The following CACNB1 variants were observed in gnomAD, a reference collection of about 807,000 sequenced individuals.
CACNB1 encodes the protein calcium voltage-gated channel auxiliary subunit beta 1.
CACNB1 carries 29 observed loss-of-function variants against 71.6 expected under a neutral mutation model. The observed-to-expected ratio is 0.40, with a 90% CI of 0.30 to 0.55. CACNB1 has a LOEUF of 0.55. CACNB1 is among the 20% of genes least tolerant of loss of function. The pLI, the probability that CACNB1 is intolerant of heterozygous loss-of-function variation, is 0.38. For synonymous variants in CACNB1, 300 were observed against 319.6 expected (o/e 0.94, Z 0.65); for missense variants, 623 against 801.8 (o/e 0.78, Z 2.69).
intron 11 of CACNB1, among the ~76,000 whole-genome samples, chr17:39,181,042 T>G (rs2045744006): frequency 6.6e-6 from 1 of 152,192 alleles, no homozygotes; most frequent in Non-Finnish European, 1.5e-5. Flanking sequence ...GAAAATCTTC[T>G]TACAAAATGG....
chr17:39,183,775 C>T lies in CACNB1; in HGVS notation c.988G>A (p.Ala330Thr), dbSNP rs145326896. The change falls in exon 11 of 14, where the codon GCC (alanine) becomes ACC (threonine). Residue 330 changes from alanine (A) to threonine (T), a missense_variant. Transcript: ENST00000394303. Reference sequence around the variant, plus strand: ...GCCAGCGAGGTCTTGGACAGCTGGGCTGGGTGATTGATGGTGTCAGCATCC... The same window carrying T: ...GCCAGCGAGGTCTTGGACAGCTGGGTTGGGTGATTGATGGTGTCAGCATCC... ...ALDADTINHP[A>T]QLSKTSLAPI... The T allele has an allele frequency of 3.3e-5, 54 of 1,613,796 alleles. No individual in the cohort carries two copies. The African/African-American group carries it at 6.1e-4, about 18-fold the overall frequency.
intron 1 of CACNB1, 121 bp downstream of exon 1, chr17:39,197,291 G>A (rs1485051902): frequency 9.2e-6 from 4 of 433,354 alleles, no homozygotes; most frequent in African/African-American, 4.3e-5. Flanking sequence ...GGGGCGCGCA[G>A]GCATCCCTCT....
chr17:39,192,416 T>C (rs748592118), intron 2 of CACNB1: 4 of 152,454 alleles, frequency 2.6e-5, no homozygotes, highest in Non-Finnish European at 5.9e-5. Context: ...GTAGTGGGAA[T>C]GCACGTGCTT....
intron 3 of CACNB1, among the ~76,000 whole-genome samples, chr17:39,191,032 G>A (rs1004708598): frequency 2.0e-5 from 3 of 151,626 alleles, no homozygotes; most frequent in Non-Finnish European, 4.4e-5. Context: ...GTGAAACCCC[G>A]TCTCTACTAA....
chr17:39,180,696 G>A (rs1435473993), intron 11 of CACNB1, among the ~76,000 whole-genome samples: 2 of 151,684 alleles, frequency 1.3e-5, no homozygotes, highest in African/African-American at 4.8e-5. Flanking sequence ...AAAAGTAAAT[G>A]TTTCAAAATT....
intron 11 of CACNB1, among the ~76,000 whole-genome samples, chr17:39,181,196 C>T (rs560316821): frequency 2.0e-4 from 30 of 152,088 alleles, no homozygotes; most frequent in Admixed American, 2.0e-3. Flanking sequence ...TGGGTTCAAG[C>T]AATTCTTGTG....
At chr17:39,182,501 C>T (rs1225325470) in intron 11 of CACNB1, among the ~76,000 whole-genome samples, 2 of 151,690 alleles carry the variant, frequency 1.3e-5, no homozygotes, top group Non-Finnish European at 2.9e-5. Context: ...GAGATCGAGA[C>T]CATCCTGGCC....
Position 39,187,621 on chromosome 17 carries a change from G to A in CACNB1, c.292-20C>T, listed in dbSNP as rs2045973355. The A allele has an allele frequency of 1.2e-6, 2 of 1,613,888 alleles. No individual in the cohort carries two copies. The highest frequency in any genetic ancestry group is 1.7e-6 in the Non-Finnish European group (2 of 1,179,882). On this transcript the variant is annotated intron_variant, in intron 3 of 13. Transcript: ENST00000394303. Reference sequence around the variant, plus strand: ...CTTGGTCTAGAGGAGGCACACAGGGGAGGATGGCAACTAGAGGGCAAACCA... The same window carrying A: ...CTTGGTCTAGAGGAGGCACACAGGGAAGGATGGCAACTAGAGGGCAAACCA...
chr17:39,176,618 G>T (rs892474993), intron 13 of CACNB1, among the ~76,000 whole-genome samples: 2 of 152,144 alleles, frequency 1.3e-5, no homozygotes, highest in African/African-American at 4.8e-5. Flanking sequence ...GAACAAATGG[G>T]CTCTGTTGCT....
intron 3 of CACNB1, among the ~76,000 whole-genome samples, chr17:39,190,659 C>G (rs951942635): frequency 1.3e-5 from 2 of 151,542 alleles, no homozygotes; most frequent in African/African-American, 4.8e-5. Flanking sequence ...AACTCCTGAC[C>G]TCAAGTGATC....
At chr17:39,184,183 T>C in intron 9 of CACNB1, 43 bp from the exon 10 acceptor site, 1 of 1,376,766 alleles carries the variant, frequency 7.3e-7, no homozygotes. Context: ...CAGGGTGGGC[T>C]GGAATGCCCT....
chr17:39,182,732 TA>T (rs1284332189), intron 11 of CACNB1, among the ~76,000 whole-genome samples: 1 of 150,862 alleles, frequency 6.6e-6, no homozygotes, highest in Non-Finnish European at 1.5e-5. Context: ...AATAAATAAA[TA>T]AATAAATAAA....
At chr17:39,187,447 C>T in intron 4 of CACNB1, 32 bp downstream of exon 4, 8 of 1,612,232 alleles carry the variant, frequency 5.0e-6, no homozygotes, top group Non-Finnish European at 6.8e-6. Context: ...TCTCCTGGCA[C>T]CCACTTCCCT....
Position 39,175,524 on chromosome 17 carries a change from C to A in CACNB1, c.1466G>T (p.Gly489Val). 6.2e-7 allele frequency: 1 copy of A among 1,613,868 alleles called. No individual in the cohort carries two copies. Among genetic ancestry groups the A allele is most frequent in the Non-Finnish European group, 8.5e-7 (1 of 1,179,990 alleles). The change falls in exon 14 of 14, where the codon GGC (glycine) becomes GTC (valine). Residue 489 changes from glycine (G) to valine (V), a missense_variant. Physicochemically the swap from Gly to Val is moderately radical, Grantham distance 109. Transcript: ENST00000394303. This position sits in a 1 kb window ranked among gnomAD's most constrained non-coding sequence, Gnocchi z 4.7. ...TTGGCGGGACAGTGCCCGTAGCGTG[C>A]CTGCCCGGCCTGGTGGGTGGCTGCT... ...YPSSHPPGRAGTLRALSRQDT... is the reference protein window; with the variant it reads ...YPSSHPPGRAVTLRALSRQDT...
intron 2 of CACNB1, chr17:39,193,523 C>T (rs775411339): frequency 2.3e-6 from 1 of 439,466 alleles, no homozygotes; most frequent in Non-Finnish European, 4.6e-6. Context: ...GGGGGTGGCC[C>T]AAACTGCCCG....
rs756501317 is a variant in CACNB1 at position 39,184,394 on chromosome 17, G to A, written c.730-11C>T. The A allele has an allele frequency of 1.0e-4, 143 of 1,428,838 alleles. 1 individual carries two copies. The South Asian group carries it at 1.7e-3, about 17-fold the overall frequency. 88.5% of individuals were successfully genotyped at this position (1,428,838 alleles called of 1,614,324 possible). On this transcript the variant is annotated splice_polypyrimidine_tract_variant and intron_variant, in intron 8 of 13. Transcript: ENST00000394303. ...CATCATGTCTGTAACCTGGGGGTGG[G>A]GGTTTGTGGGGAGGGAGGGAGGAGA...
intron 12 of CACNB1, 101 bp downstream of exon 12, chr17:39,177,883 C>T (rs1319610186): frequency 2.0e-5 from 19 of 938,554 alleles, no homozygotes; most frequent in Admixed American, 3.5e-5. Context: ...CAGGCCTGAC[C>T]CAGGTGTTCC....
rs770611131 is a variant in CACNB1, at chr17:39,177,991, C to A, written c.1139G>T (p.Cys380Phe). The change falls in exon 12 of 14, where the codon TGC becomes TTC. Residue 380 changes from cysteine (C) to phenylalanine (F), a missense_variant. Physicochemically the swap from Cys to Phe is radical, Grantham distance 205. Coordinates refer to ENST00000394303, the MANE Select transcript of CACNB1 (RefSeq NM_000723.5). ...TGGGATCTAGGCACTCACAGGGGGG[C>A]ACTGTGCCAGCTTTTCCGAGGCCGC... ...QIAASEKLAQCPPEMFDIILD... is the reference protein window; with the variant it reads ...QIAASEKLAQFPPEMFDIILD... 1 of 1,612,956 alleles carries A rather than the reference C, an allele frequency of 6.2e-7. No homozygotes were observed. The highest frequency in any genetic ancestry group is 8.5e-7 in the Non-Finnish European group (1 of 1,178,950).
intron 2 of CACNB1, chr17:39,192,986 CCAGGGAAACAGA>C (rs1162121664): frequency 1.3e-5 from 2 of 156,714 alleles, no homozygotes; most frequent in Non-Finnish European, 2.8e-5. Context: ...AGTCAAAGAG[CCAGGGAAACAGA>C]CAGGGAGACA....
Sources: gnomAD v4.1 joint callset for allele counts (sites outside exome capture counted in the v4.1 genomes callset) on GRCh38, gnomAD v4.1.1 for gene constraint, Gnocchi (gnomAD v3.1) non-coding constraint, MANE v1.5 for transcripts, NCBI Gene and HGNC (gene_info 2026-07-23, HGNC 2026-07-21) for gene names.